The following DDX31 variants were observed in gnomAD, a reference collection of about 807,000 sequenced individuals.
The protein encoded by DDX31 is ATP-dependent DNA helicase DDX31.
A neutral mutation model predicts 91.3 loss-of-function variants in DDX31; 70 were observed. The ratio of observed to expected loss-of-function variants is 0.77; its 90% CI spans 0.63 to 0.94. The LOEUF (loss-of-function observed/expected upper bound fraction) is 0.94, where lower values mean the gene tolerates loss of function less well. DDX31 is among the 40% of genes least tolerant of loss of function. DDX31 has a pLI of 0.00. For missense variants in DDX31, 902 were observed against 925.0 expected (o/e 0.98, Z 0.32); for synonymous variants, 362 against 350.6 (o/e 1.03, Z -0.36).
At chr9:132,625,585 C>A in intron 17 of DDX31, 79 bp downstream of exon 17, 1 of 989,428 alleles carries the variant, frequency 1.0e-6, no homozygotes, top group Non-Finnish European at 1.6e-6. Flanking sequence ...AGGAAGTAAC[C>A]CATACACAAA....
At position 132,638,220 on chromosome 9, in the gene DDX31, C is replaced by G. The variant is rs532555098; in HGVS notation, c.1440+3784G>C. 2.8e-3 allele frequency: 4,323 copies of G among 1,543,294 alleles called. 13 individuals carry two copies. The highest frequency in any genetic ancestry group is 3.2e-3 in the Non-Finnish European group (3,686 of 1,141,550). ...ATCAAGGACAGCCACCGGAGACCAA[C>G]AGAAAACCTAATGTCAGCCTTAAAA... is the stretch of plus-strand genomic sequence containing the variant. On this transcript the variant is annotated intron_variant, in intron 14 of 19. Coordinates refer to ENST00000372159, the MANE Select transcript of DDX31 (RefSeq NM_022779.9).
At chr9:132,624,166 CAAAAAAAAAAA>C (rs4021852) in intron 17 of DDX31, among the ~76,000 whole-genome samples, 6 of 71,470 alleles carry the variant, frequency 8.4e-5, no homozygotes, top group Middle Eastern at 0.011. Flanking sequence ...GACTCCGTCT[CAAAAAAAAAAA>C]AAAAAAAAAA....
At chr9:132,632,600 C>A in intron 14 of DDX31, among the ~76,000 whole-genome samples, 1 of 152,104 alleles carries the variant, frequency 6.6e-6, no homozygotes. Flanking sequence ...AACAAGCTGG[C>A]CTTGAGGTGT....
rs1006031251 is a variant in DDX31 at position 132,638,494 on chromosome 9, C to T, written c.1440+3510G>A. ...ACTCCTTCTTGCTCATCCCTACTTC[C>T]TACTTAACTTGGCTTTTTCTTAGAT... On this transcript the variant is annotated intron_variant, in intron 14 of 19. Transcript: ENST00000372159. 3.5e-5 allele frequency: 45 copies of T among 1,296,788 alleles called. 1 individual carries two copies. In the Admixed American group the frequency reaches 8.5e-4, roughly 25 times the overall value. 80.3% of individuals were successfully genotyped at this position (1,296,788 alleles called of 1,614,324 possible). A position where few individuals can be genotyped will look rare whatever the true frequency, so the allele number is the denominator to read the frequency against.
At chr9:132,650,113 C>CCGGG in intron 9 of DDX31, 121 bp downstream of exon 9, 1 of 928,536 alleles carries the variant, frequency 1.1e-6, no homozygotes. Context: ...CCCTGTGCAC[C>CCGGG]GGGACTAGGA....
intron 14 of DDX31, 134 bp from the exon 15 acceptor site, chr9:132,632,225 A>T: frequency 3.3e-6 from 1 of 299,878 alleles, no homozygotes; most frequent in Non-Finnish European, 6.5e-6. Flanking sequence ...GCATACACGT[A>T]TATGCCCAGT....
At chr9:132,612,320 G>A (rs752492961) in intron 18 of DDX31, 65 bp from the exon 19 acceptor site, 22 of 1,585,998 alleles carry the variant, frequency 1.4e-5, no homozygotes, top group Non-Finnish European at 1.7e-5. Flanking sequence ...CAAAGTGCCC[G>A]GCCTAATGGT....
chr9:132,634,877 C>T (rs889659418), intron 14 of DDX31, among the ~76,000 whole-genome samples: 5 of 152,152 alleles, frequency 3.3e-5, no homozygotes, highest in Non-Finnish European at 7.4e-5. Flanking sequence ...TAAGATGCCT[C>T]TTACAGTTGT....
rs150724951 is a variant in DDX31 at position 132,635,250 on chromosome 9, C to T, written c.1441-3159G>A. 3.3e-3 allele frequency among the ~76,000 whole-genome samples: 505 copies of T among 152,164 alleles called. 4 individuals carry two copies. The highest frequency in any genetic ancestry group is 0.012 in the African/African-American group (482 of 41,510). ...GTAGCTGGGGAGTTACACTTTGAGA[C>T]CATGCGAATAGCATGGTCCTGTTTC... On this transcript the variant is annotated intron_variant, in intron 14 of 19. Coordinates refer to ENST00000372159, the MANE Select transcript of DDX31 (RefSeq NM_022779.9).
In DDX31 at chr9:132,647,024, A is replaced by C. The variant is rs766448549; in HGVS notation, c.1002T>G (p.Asp334Glu). 2 of 1,614,144 alleles carry C rather than the reference A, an allele frequency of 1.2e-6. No individual in the cohort carries two copies. Among genetic ancestry groups the C allele is most frequent in the Non-Finnish European group, 1.7e-6 (2 of 1,180,040 alleles). Residue 334 changes from aspartate to glutamate, a missense_variant, in exon 12 of 20, where the codon GAT becomes GAG. By Grantham distance (45) the Asp-to-Glu change is conservative (BLOSUM62 2). Transcript: ENST00000372159. The stretch of plus-strand genomic sequence containing the variant: ...TGTCCAGGACAGAAATACTGACTGG[A>C]TCATGCAAACTGATATCAGCTAGCC... ...VTRLADISLHDPVSISVLDKS... is the reference protein window; with the variant it reads ...VTRLADISLHEPVSISVLDKS...
chr9:132,628,269 C>T (rs1206350466), intron 16 of DDX31, among the ~76,000 whole-genome samples: 1 of 152,166 alleles, frequency 6.6e-6, no homozygotes, highest in African/African-American at 2.4e-5. Flanking sequence ...ATGCAAGGAC[C>T]CTCCCTCCTC....
At chr9:132,666,174 CT>C (rs757173401) in intron 1 of DDX31, among the ~76,000 whole-genome samples, 5 of 152,172 alleles carry the variant, frequency 3.3e-5, no homozygotes, top group African/African-American at 1.2e-4. Context: ...AAAATGTCAG[CT>C]TTTCCTAAGC....
intron 17 of DDX31, 111 bp downstream of exon 17, chr9:132,625,551 TAA>T: frequency 1.2e-6 from 1 of 804,304 alleles, no homozygotes; most frequent in Non-Finnish European, 2.1e-6. Context: ...TCATGGTTCT[TAA>T]AATAAATGTA....
chr9:132,646,757 A>G (rs371227511), intron 12 of DDX31, 66 bp downstream of exon 12: 2 of 1,524,888 alleles, frequency 1.3e-6, no homozygotes, highest in South Asian at 1.1e-5. Flanking sequence ...ATTGCTCCCA[A>G]TGGCTTAACA....
At chr9:132,609,226 G>A (rs1044191932) in intron 19 of DDX31, among the ~76,000 whole-genome samples, 6 of 152,148 alleles carry the variant, frequency 3.9e-5, no homozygotes, top group African/African-American at 7.2e-5. Flanking sequence ...GCTCCCTGCC[G>A]CGCCAGCCAG....
intron 14 of DDX31, among the ~76,000 whole-genome samples, chr9:132,633,781 G>C (rs777243325): frequency 2.0e-5 from 3 of 152,146 alleles, no homozygotes; most frequent in Non-Finnish European, 2.9e-5. Context: ...GACTCAGACC[G>C]AAGTGTATTG....
chr9:132,619,916 G>A (rs947876991), intron 17 of DDX31, among the ~76,000 whole-genome samples: 3 of 150,914 alleles, frequency 2.0e-5, no homozygotes, highest in Non-Finnish European at 1.5e-5. Context: ...TGAAATTAGC[G>A]AGGATGCCCT....
At chr9:132,669,185 G>T (rs408640) in intron 1 of DDX31, among the ~76,000 whole-genome samples, 1 of 152,040 alleles carries the variant, frequency 6.6e-6, no homozygotes, top group African/African-American at 2.4e-5. Flanking sequence ...TTAGGATTGG[G>T]AGGGCCTGGA....
intron 6 of DDX31, among the ~76,000 whole-genome samples, chr9:132,654,342 G>A (rs1053085885): frequency 6.6e-6 from 1 of 152,216 alleles, no homozygotes; most frequent in African/African-American, 2.4e-5. Flanking sequence ...CAGGCACGGT[G>A]GCTCACGCCT....
Sources: gnomAD v4.1 joint callset for allele counts (sites outside exome capture counted in the v4.1 genomes callset) on GRCh38, gnomAD v4.1.1 for gene constraint, MANE v1.5 for transcripts, NCBI Gene and HGNC (gene_info 2026-07-23, HGNC 2026-07-21) for gene names.